The following PCDH11X variants were observed in gnomAD, a reference collection of about 807,000 sequenced individuals.
PCDH11X encodes the protein protocadherin 11 X-linked.
In PCDH11X, 18 loss-of-function variants were observed where a neutral mutation model predicts 53.3. The observed-to-expected ratio is 0.34, with a 90% CI of 0.23 to 0.50. The LOEUF (loss-of-function observed/expected upper bound fraction) is 0.50. Among genes scored for constraint, PCDH11X ranks in the 20% least tolerant of loss-of-function variants. PCDH11X has a pLI of 0.98. For synonymous variants in PCDH11X, 279 were observed against 393.3 expected (o/e 0.71, Z 3.44); for missense variants, 570 against 1,032.4 (o/e 0.55, Z 6.14).
chrX:92,618,686 G>T lies in PCDH11X; in HGVS notation c.3790G>T (p.Val1264Phe), dbSNP rs370144395. 7 of 1,210,570 alleles carry T rather than the reference G, an allele frequency of 5.8e-6. No individual in the cohort carries two copies. Among genetic ancestry groups the T allele is most frequent in the Middle Eastern group, 2.3e-4 (1 of 4,370 alleles). ...CAGCCACAGCTCTCCTCTGCCACAGGTTATTGCCCTCCATCGTAGTCAGGC... is the reference window on the plus strand; with the variant it reads ...CAGCCACAGCTCTCCTCTGCCACAGTTTATTGCCCTCCATCGTAGTCAGGC... ...AISHSSPLPQVIALHRSQAQS... is the reference protein window; with the variant it reads ...AISHSSPLPQFIALHRSQAQS... The change falls in exon 11 of 11, where the codon GTT becomes TTT. Residue 1264 changes from valine (V) to phenylalanine (F), a missense_variant. Coordinates refer to ENST00000682573, the MANE Select transcript of PCDH11X (RefSeq NM_032968.5).
At chrX:92,279,360 G>T (rs187870765) in intron 8 of PCDH11X, among the ~76,000 whole-genome samples, 1 of 112,077 alleles carries the variant, frequency 8.9e-6, no homozygotes, top group Non-Finnish European at 1.9e-5. Flanking sequence ...AACAAGACAG[G>T]TTACCCTCTT....
intron 8 of PCDH11X, among the ~76,000 whole-genome samples, chrX:92,345,908 A>G (rs1401740976): frequency 9.1e-6 from 1 of 109,591 alleles, no homozygotes; most frequent in Non-Finnish European, 1.9e-5. Flanking sequence ...TTTTTCTGAT[A>G]AAAGTACTAG....
In PCDH11X at chrX:92,300,325, C is replaced by T. The variant is rs1349079499; in HGVS notation, c.3144+37182C>T. On this transcript the variant is annotated intron_variant, in intron 8 of 10. Coordinates refer to ENST00000682573, the MANE Select transcript of PCDH11X (RefSeq NM_032968.5). Reference sequence around the variant, plus strand: ...AAATAGATTCATCGCTGGGATACTACTGTGTTAATTTAGATGTAAGAAGAC... The same window carrying T: ...AAATAGATTCATCGCTGGGATACTATTGTGTTAATTTAGATGTAAGAAGAC... Among the ~76,000 whole-genome samples, 20 of 111,123 alleles carry T rather than the reference C, an allele frequency of 1.8e-4. 1 individual carries two copies. Among genetic ancestry groups the T allele is most frequent in the Non-Finnish European group, 1.9e-5 (1 of 53,083 alleles).
At chrX:92,121,795 G>A (rs1178847281) in intron 6 of PCDH11X, among the ~76,000 whole-genome samples, 3 of 107,985 alleles carry the variant, frequency 2.8e-5, no homozygotes, top group Non-Finnish European at 5.7e-5. Flanking sequence ...GCGCGATCTC[G>A]GCTCACTGCA....
chrX:92,007,526 G>A (rs1003377859), intron 6 of PCDH11X, among the ~76,000 whole-genome samples: 23 of 111,531 alleles, frequency 2.1e-4, no homozygotes, highest in African/African-American at 6.9e-4. Flanking sequence ...CTCTGACTCA[G>A]GTCAGGTCCA....
intron 6 of PCDH11X, among the ~76,000 whole-genome samples, chrX:91,884,722 A>G (rs1384162253): frequency 8.9e-6 from 1 of 111,779 alleles, no homozygotes; most frequent in Non-Finnish European, 1.9e-5. Flanking sequence ...CAGTACTAAC[A>G]GAATTTTTTA....
intron 9 of PCDH11X, among the ~76,000 whole-genome samples, chrX:92,463,799 G>C (rs1417060323): frequency 9.0e-6 from 1 of 110,801 alleles, no homozygotes; most frequent in Non-Finnish European, 1.9e-5. Flanking sequence ...GCAGAAAATA[G>C]AGCCAATAGC....
At chrX:91,825,640 G>T (rs1019955819) in intron 4 of PCDH11X, among the ~76,000 whole-genome samples, 5 of 109,974 alleles carry the variant, frequency 4.5e-5, no homozygotes, top group African/African-American at 1.7e-4. Context: ...TGTCTTCTGC[G>T]TCGCTCAGGC....
intron 10 of PCDH11X, among the ~76,000 whole-genome samples, chrX:92,555,732 T>C (rs756454101): frequency 9.0e-6 from 1 of 111,192 alleles, no homozygotes; most frequent in Admixed American, 9.6e-5. Context: ...TTTAGAAAGG[T>C]TCTGTCCTTC....
rs773846827 is a variant in PCDH11X at position 92,475,997 on chromosome X, T to A, written c.3367+7675T>A. Among the ~76,000 whole-genome samples, 70 of 111,977 alleles carry A rather than the reference T, an allele frequency of 6.3e-4. 1 individual carries two copies. In the Admixed American group the frequency reaches 6.4e-3, roughly 10 times the overall value. On this transcript the variant is annotated intron_variant, in intron 10 of 10. Transcript: ENST00000682573. The stretch of plus-strand genomic sequence containing the variant: ...TTGTTTGGCTGTGTCCCCACTCAAA[T>A]CTCATTTTGAATTGTAGCTCCCATA...
At chrX:92,053,660 G>C (rs1395000602) in intron 6 of PCDH11X, among the ~76,000 whole-genome samples, 2 of 104,885 alleles carry the variant, frequency 1.9e-5, no homozygotes. Context: ...AGCCTCTGCC[G>C]CCCGGGTTCA....
chrX:92,221,326 C>CACACAT (rs1491032276), intron 7 of PCDH11X, among the ~76,000 whole-genome samples: 1 of 93,229 alleles, frequency 1.1e-5, no homozygotes, highest in African/African-American at 4.4e-5. Context: ...CACACACACA[C>CACACAT]ATATATACGA....
chrX:92,126,549 C>T (rs1330104358), intron 6 of PCDH11X, among the ~76,000 whole-genome samples: 1 of 110,171 alleles, frequency 9.1e-6, no homozygotes, highest in African/African-American at 3.3e-5. Context: ...GCAGAGGTTG[C>T]AGTGAGCTGA....
intron 7 of PCDH11X, among the ~76,000 whole-genome samples, chrX:92,213,258 C>T (rs200835659): frequency 1.8e-5 from 2 of 111,853 alleles, no homozygotes; most frequent in Admixed American, 9.5e-5. Context: ...GACCTTTAGC[C>T]GTTTGAGTAC....
chrX:91,913,972 A>G (rs1941472967), intron 6 of PCDH11X, among the ~76,000 whole-genome samples: 2 of 110,954 alleles, frequency 1.8e-5, no homozygotes, highest in South Asian at 3.9e-4. Flanking sequence ...AAACATATTA[A>G]CAACAAAGAG....
In PCDH11X at chrX:92,320,783, C is replaced by T. The variant is rs189411414; in HGVS notation, c.3144+57640C>T. Among the ~76,000 whole-genome samples, 15 of 111,525 alleles carry T rather than the reference C, an allele frequency of 1.3e-4. No homozygotes were observed. In the East Asian group the frequency reaches 4.3e-3, roughly 32 times the overall value. ...GCGTGCCTCCTGCAAAGACCAGAGA[C>T]AGGCACTTTAAAGAAGAGGGATTGG... On this transcript the variant is annotated intron_variant, in intron 8 of 10. Coordinates refer to ENST00000682573, the MANE Select transcript of PCDH11X (RefSeq NM_032968.5).
chrX:91,972,730 C>T (rs1214193101), intron 6 of PCDH11X, among the ~76,000 whole-genome samples: 2 of 108,639 alleles, frequency 1.8e-5, no homozygotes, highest in Non-Finnish European at 3.8e-5. Flanking sequence ...GCTTGTTTTT[C>T]TCAGGTTTGT....
chrX:92,113,728 C>T (rs2064571774), intron 6 of PCDH11X: 3 of 1,199,209 alleles, frequency 2.5e-6, no homozygotes, highest in Non-Finnish European at 3.4e-6. Flanking sequence ...TTGGCGGATA[C>T]CCTCCAGGGT....
intron 8 of PCDH11X, among the ~76,000 whole-genome samples, chrX:92,271,490 T>A (rs2148427334): frequency 8.9e-6 from 1 of 112,044 alleles, no homozygotes; most frequent in Admixed American, 9.5e-5. Flanking sequence ...AAGGTCCCGT[T>A]ACAGATTTTT....
Sources: gnomAD v4.1 joint callset for allele counts (sites outside exome capture counted in the v4.1 genomes callset) on GRCh38, gnomAD v4.1.1 for gene constraint, MANE v1.5 for transcripts, NCBI Gene and HGNC (gene_info 2026-07-23, HGNC 2026-07-21) for gene names.